Variants in TGFB2 observed in about 807,000 individuals in gnomAD.
TGFB2 encodes the protein transforming growth factor beta-2 proprotein.
TGFB2 carries 13 observed loss-of-function variants against 42.7 expected under a neutral mutation model. That is an observed-to-expected ratio of 0.30 (90% CI 0.20 to 0.48). TGFB2 has a LOEUF of 0.48. Ranked by LOEUF, TGFB2 falls within the 20% of genes least tolerant of loss-of-function variation. The pLI is 0.99. For synonymous variants in TGFB2, 193 were observed against 193.6 expected (o/e 1.00, Z 0.03); for missense variants, 390 against 517.5 (o/e 0.75, Z 2.39).
intron 1 of TGFB2, among the ~76,000 whole-genome samples, chr1:218,373,147 C>T (rs1657624552): frequency 6.6e-6 from 1 of 152,160 alleles, no homozygotes; most frequent in South Asian, 2.1e-4. Flanking sequence ...CACTGCACTC[C>T]ACCCTGGGCA....
At position 218,436,031 on chromosome 1, in the gene TGFB2, A is replaced by G. The variant is rs1415933135; in HGVS notation, c.816A>G (p.Lys272=). The change falls in exon 5 of 7, where the codon AAA becomes AAG. Residue 272 remains lysine (K), a synonymous_variant. Coordinates refer to ENST00000366930, the MANE Select transcript of TGFB2 (RefSeq NM_003238.6). ...GDQKTIKSTR[K]KNSGKTPHLL... The stretch of plus-strand genomic sequence containing the variant: ...AGAAAACTATAAAGTCCACTAGGAA[A>G]AAAAACAGTGGGAAGACCCCACATC... 1.2e-6 allele frequency: 2 copies of G among 1,614,144 alleles called. No individual in the cohort carries two copies. The highest frequency in any genetic ancestry group is 1.7e-6 in the Non-Finnish European group (2 of 1,179,980).
chr1:218,409,077 G>T (rs1357342884), intron 2 of TGFB2, among the ~76,000 whole-genome samples: 1 of 152,142 alleles, frequency 6.6e-6, no homozygotes, highest in South Asian at 2.1e-4. Context: ...GCTCCTTTGA[G>T]AATCTAATGC....
intron 2 of TGFB2, among the ~76,000 whole-genome samples, chr1:218,420,922 A>G (rs919521178): frequency 2.0e-5 from 3 of 152,246 alleles, no homozygotes; most frequent in African/African-American, 7.2e-5. Flanking sequence ...CTTGCCAGGT[A>G]TACATTACTT....
At chr1:218,412,528 A>G (rs953951337) in intron 2 of TGFB2, among the ~76,000 whole-genome samples, 2 of 152,180 alleles carry the variant, frequency 1.3e-5, no homozygotes, top group Non-Finnish European at 2.9e-5. Flanking sequence ...ACATCCCAGG[A>G]TTTGGTGACT....
chr1:218,430,193 G>A (rs1295309964), intron 2 of TGFB2, among the ~76,000 whole-genome samples: 1 of 151,994 alleles, frequency 6.6e-6, no homozygotes, highest in African/African-American at 2.4e-5. Context: ...GGTGGCTCGA[G>A]ACCAGCCTGG....
intron 2 of TGFB2, among the ~76,000 whole-genome samples, chr1:218,415,484 C>G (rs1659244858): frequency 6.6e-6 from 1 of 151,842 alleles, no homozygotes; most frequent in Non-Finnish European, 1.5e-5. Flanking sequence ...CACTTGAGGT[C>G]AGGAGTTTGA....
chr1:218,416,117 G>A (rs1659271022), intron 2 of TGFB2, among the ~76,000 whole-genome samples: 1 of 145,922 alleles, frequency 6.9e-6, no homozygotes. Flanking sequence ...GGGCTGCAGT[G>A]CTGAACTGGG....
chr1:218,388,508 G>T (rs149915928), intron 1 of TGFB2, among the ~76,000 whole-genome samples: 1 of 152,184 alleles, frequency 6.6e-6, no homozygotes, highest in African/African-American at 2.4e-5. Flanking sequence ...AGAAAGAGCA[G>T]GCTGTTCTGA....
intron 6 of TGFB2, among the ~76,000 whole-genome samples, chr1:218,439,792 T>C (rs977583810): frequency 1.1e-4 from 17 of 152,220 alleles, no homozygotes; most frequent in African/African-American, 3.9e-4. Flanking sequence ...AGGGAGTGTG[T>C]GAAGGCTGAG....
At chr1:218,406,371 G>A (rs1380197945) in intron 2 of TGFB2, among the ~76,000 whole-genome samples, 2 of 152,074 alleles carry the variant, frequency 1.3e-5, no homozygotes, top group Non-Finnish European at 2.9e-5. Flanking sequence ...CTTGTTACCC[G>A]AGTGTAGTCT....
At chr1:218,398,246 G>T (rs1334879826) in intron 1 of TGFB2, among the ~76,000 whole-genome samples, 1 of 152,250 alleles carries the variant, frequency 6.6e-6, no homozygotes, top group Non-Finnish European at 1.5e-5. Context: ...GATGCCGTGG[G>T]CTGGGAGCCT....
chr1:218,422,600 A>T (rs2102614074), intron 2 of TGFB2, among the ~76,000 whole-genome samples: 1 of 152,226 alleles, frequency 6.6e-6, no homozygotes, highest in African/African-American at 2.4e-5. Flanking sequence ...GGATGTTCAT[A>T]GTCATCCTTT....
chr1:218,384,419 T>A (rs17047744), intron 1 of TGFB2, among the ~76,000 whole-genome samples: 3,977 of 152,360 alleles, frequency 0.026, 69 homozygotes, highest in Non-Finnish European at 0.041. Context: ...TAAGAGGCTA[T>A]CTTACCTTTT....
At chr1:218,375,018 T>A in intron 1 of TGFB2, among the ~76,000 whole-genome samples, 1 of 152,198 alleles carries the variant, frequency 6.6e-6, no homozygotes, top group East Asian at 1.9e-4. Context: ...ACTACAGCCT[T>A]TAAACAGTTC....
intron 1 of TGFB2, among the ~76,000 whole-genome samples, chr1:218,397,638 G>T (rs1009407625): frequency 6.6e-6 from 1 of 151,388 alleles, no homozygotes; most frequent in Non-Finnish European, 1.5e-5. Flanking sequence ...TTCTTCTGTC[G>T]TATATTTCAG....
intron 4 of TGFB2, among the ~76,000 whole-genome samples, chr1:218,435,567 G>C (rs750381562): frequency 6.6e-6 from 1 of 152,206 alleles, no homozygotes; most frequent in East Asian, 1.9e-4. Context: ...CTTAGGAAGA[G>C]TGTGAACCAG....
chr1:218,347,653 A>G (rs6658835), intron 1 of TGFB2, among the ~76,000 whole-genome samples: 58,538 of 151,960 alleles, frequency 0.39, 13,348 homozygotes, highest in African/African-American at 0.64. Flanking sequence ...TTGATGTATC[A>G]TTTGCTATCA....
chr1:218,411,507 G>A (rs1205341083), intron 2 of TGFB2, among the ~76,000 whole-genome samples: 2 of 152,118 alleles, frequency 1.3e-5, no homozygotes, highest in African/African-American at 4.8e-5. Context: ...TCCCAGAAGA[G>A]TAGTCTTGTT....
Position 218,346,825 on chromosome 1 carries a change from G to A in TGFB2, c.124G>A (p.Gly42Arg). Residue 42 changes from glycine to arginine, a missense_variant, in exon 1 of 7, where the codon GGG (glycine) becomes AGG (arginine). Physicochemically the swap from Gly to Arg is moderately radical, Grantham distance 125. Transcript: ENST00000366930. This position sits in a 1 kb window ranked among gnomAD's most constrained non-coding sequence, Gnocchi z 4.9. ...GCGCAAGAGGATCGAGGCGATCCGC[G>A]GGCAGATCCTGAGCAAGCTGAAGCT... ...FMRKRIEAIRGQILSKLKLTS... is the reference protein window; with the variant it reads ...FMRKRIEAIRRQILSKLKLTS... 2 of 1,614,138 alleles carry A rather than the reference G, an allele frequency of 1.2e-6. No individual in the cohort carries two copies. Among genetic ancestry groups the A allele is most frequent in the Non-Finnish European group, 1.7e-6 (2 of 1,180,048 alleles).
Sources: gnomAD v4.1 joint callset for allele counts (sites outside exome capture counted in the v4.1 genomes callset) on GRCh38, gnomAD v4.1.1 for gene constraint, Gnocchi (gnomAD v3.1) non-coding constraint, MANE v1.5 for transcripts, NCBI Gene and HGNC (gene_info 2026-07-23, HGNC 2026-07-21) for gene names.